Variants in POU2F1 observed in about 807,000 individuals in gnomAD.
The protein encoded by POU2F1 is POU class 2 homeobox 1, also known as POU domain, class 2, transcription factor 1.
POU2F1 carries 16 observed loss-of-function variants against 84.9 expected under a neutral mutation model. The ratio of observed to expected loss-of-function variants is 0.19; its 90% CI spans 0.13 to 0.29. POU2F1 has a LOEUF of 0.29. Among genes scored for constraint, POU2F1 ranks in the 10% least tolerant of loss-of-function variants. The probability of loss-of-function intolerance (pLI) is 1.00; values close to 1 mark genes in which losing one functional copy is unlikely to be tolerated. For missense variants in POU2F1, 738 were observed against 942.6 expected (o/e 0.78, Z 2.84); for synonymous variants, 368 against 368.3 (o/e 1.00, Z 0.01).
At chr1:167,353,509 T>G (rs368784350) in intron 2 of POU2F1, among the ~76,000 whole-genome samples, 12 of 152,282 alleles carry the variant, frequency 7.9e-5, no homozygotes, top group African/African-American at 2.9e-4. Context: ...TCTTTCAGTC[T>G]TTTAAGTTTG....
chr1:167,222,193 C>T (rs1337200025), intron 1 of POU2F1, among the ~76,000 whole-genome samples: 2 of 152,160 alleles, frequency 1.3e-5, no homozygotes, highest in East Asian at 3.9e-4. Context: ...ATCGTATTCT[C>T]GATTTCCTCT....
At chr1:167,363,294 C>T (rs1475280743) in intron 2 of POU2F1, among the ~76,000 whole-genome samples, 3 of 152,060 alleles carry the variant, frequency 2.0e-5, no homozygotes, top group African/African-American at 4.8e-5. Flanking sequence ...GTGCTTGTCT[C>T]GGTTTTTCAA....
At chr1:167,319,540 A>G (rs1656163975) in intron 1 of POU2F1, among the ~76,000 whole-genome samples, 1 of 152,068 alleles carries the variant, frequency 6.6e-6, no homozygotes. Flanking sequence ...CTTGAGAATT[A>G]CATGGGATAC....
intron 2 of POU2F1, among the ~76,000 whole-genome samples, chr1:167,357,089 G>T (rs1193190205): frequency 1.3e-5 from 2 of 152,094 alleles, no homozygotes; most frequent in Non-Finnish European, 2.9e-5. Flanking sequence ...TTTCCCTGAA[G>T]CCGGCTGCCA....
intron 1 of POU2F1, among the ~76,000 whole-genome samples, chr1:167,237,713 G>A (rs1216327669): frequency 7.6e-6 from 1 of 130,958 alleles, no homozygotes; most frequent in Admixed American, 7.8e-5. Context: ...TTGAGTTACT[G>A]GTTTTATTTT....
At chr1:167,304,092 A>G (rs892601103) in intron 1 of POU2F1, among the ~76,000 whole-genome samples, 6 of 152,202 alleles carry the variant, frequency 3.9e-5, no homozygotes, top group African/African-American at 1.2e-4. Flanking sequence ...ACTCCAGTTC[A>G]GAATCTACAT....
At chr1:167,351,539 A>G (rs1177445941) in intron 2 of POU2F1, among the ~76,000 whole-genome samples, 3 of 146,524 alleles carry the variant, frequency 2.0e-5, no homozygotes, top group East Asian at 1.9e-4. Flanking sequence ...AAAAAAAAAA[A>G]AAAAGAAAGA....
chr1:167,259,368 A>G (rs980283769), intron 1 of POU2F1, among the ~76,000 whole-genome samples: 5 of 152,214 alleles, frequency 3.3e-5, no homozygotes, highest in Non-Finnish European at 7.3e-5. Context: ...GGAAGGGAGT[A>G]ACTGCAACCA....
chr1:167,249,341 C>T (rs182550110), intron 1 of POU2F1, among the ~76,000 whole-genome samples: 28 of 152,350 alleles, frequency 1.8e-4, no homozygotes, highest in African/African-American at 6.3e-4. Context: ...ACTTTCATTC[C>T]CTCCTCATCC....
chr1:167,362,168 A>G (rs1018050126), intron 2 of POU2F1, among the ~76,000 whole-genome samples: 1 of 152,104 alleles, frequency 6.6e-6, no homozygotes, highest in African/African-American at 2.4e-5. Context: ...AATGATTTCC[A>G]TGTAATAACT....
intron 1 of POU2F1, among the ~76,000 whole-genome samples, chr1:167,231,945 CAG>C (rs1211663723): frequency 1.3e-5 from 2 of 152,160 alleles, no homozygotes; most frequent in African/African-American, 4.8e-5. Context: ...TCATTATACA[CAG>C]GGGCATACCA....
chr1:167,293,098 A>G (rs189176788), intron 1 of POU2F1, among the ~76,000 whole-genome samples: 1 of 152,330 alleles, frequency 6.6e-6, no homozygotes, highest in East Asian at 1.9e-4. Context: ...AACTATAACA[A>G]GACGACAATG....
rs901180509 is a variant in POU2F1 at position 167,270,699 on chromosome 1, A to C, written c.61+49741A>C. 7.9e-5 allele frequency among the ~76,000 whole-genome samples: 12 copies of C among 152,322 alleles called. No homozygotes were observed. In the East Asian group the frequency reaches 2.1e-3, roughly 27 times the overall value. ...GAGAAATCACTCCATAGTCAAACAC[A>C]GATTGCTGAACTGTGGCATTTTTGC... On this transcript the variant is annotated intron_variant, in intron 1 of 15. Transcript: ENST00000367866.
intron 2 of POU2F1, among the ~76,000 whole-genome samples, chr1:167,353,446 CTA>C (rs1658716914): frequency 6.6e-6 from 1 of 151,982 alleles, no homozygotes; most frequent in African/African-American, 2.4e-5. Context: ...GGTTTCTGCC[CTA>C]TCTTTCAACC....
At chr1:167,374,007 G>T in intron 5 of POU2F1, 101 bp from the exon 6 acceptor site, 1 of 1,085,616 alleles carries the variant, frequency 9.2e-7, no homozygotes. Context: ...TGGGTAGCTG[G>T]GGACTGATAT....
intron 1 of POU2F1, among the ~76,000 whole-genome samples, chr1:167,289,827 C>A (rs1653791145): frequency 6.6e-6 from 1 of 152,082 alleles, no homozygotes; most frequent in African/African-American, 2.4e-5. Context: ...GTTCTGTTCT[C>A]TTTTAGACAG....
intron 1 of POU2F1, among the ~76,000 whole-genome samples, chr1:167,283,236 T>A (rs1340669386): frequency 6.6e-6 from 1 of 152,102 alleles, no homozygotes; most frequent in Non-Finnish European, 1.5e-5. Flanking sequence ...AAGTCCAAAT[T>A]ACGGCCTGTT....
chr1:167,332,606 A>T, intron 2 of POU2F1, 71 bp downstream of exon 2: 1 of 1,302,942 alleles, frequency 7.7e-7, no homozygotes, highest in Non-Finnish European at 1.1e-6. Context: ...CCATGTAACT[A>T]GGACTTGTAT....
At chr1:167,262,205 A>AG (rs1651618544) in intron 1 of POU2F1, among the ~76,000 whole-genome samples, 1 of 151,978 alleles carries the variant, frequency 6.6e-6, no homozygotes, top group South Asian at 2.1e-4. Flanking sequence ...GTCCAGGCTG[A>AG]GGTGCCATGG....
Sources: gnomAD v4.1 joint callset for allele counts (sites outside exome capture counted in the v4.1 genomes callset) on GRCh38, gnomAD v4.1.1 for gene constraint, MANE v1.5 for transcripts, NCBI Gene and HGNC (gene_info 2026-07-23, HGNC 2026-07-21) for gene names.